Variants in SENP8 observed in about 807,000 individuals in gnomAD.
The protein encoded by SENP8 is SUMO peptidase family member, NEDD8 specific, also known as sentrin-specific protease 8.
Under a neutral mutation model 14.4 loss-of-function variants are expected in SENP8, and 10 were observed. That is an observed-to-expected ratio of 0.69 (90% CI 0.43 to 1.18). The LOEUF (loss-of-function observed/expected upper bound fraction) is 1.18, where lower values mean the gene tolerates loss of function less well. Ranked by LOEUF, SENP8 falls within the 50% of genes most tolerant of loss-of-function variation. The pLI is 0.00. For missense variants in SENP8, 202 were observed against 249.4 expected (o/e 0.81, Z 1.28); for synonymous variants, 94 against 95.5 (o/e 0.98, Z 0.09).
intron 1 of SENP8, among the ~76,000 whole-genome samples, chr15:72,132,418 A>G (rs1050887584): frequency 2.0e-5 from 3 of 152,174 alleles, no homozygotes; most frequent in African/African-American, 7.2e-5. Context: ...TTTTCCCGTA[A>G]TCTAAATTTT....
rs141330895 is a variant in SENP8 at position 72,125,090 on chromosome 15, A to G, written c.-48+6626A>G. On this transcript the variant is annotated intron_variant, in intron 1 of 1. Coordinates refer to ENST00000340912, the MANE Select transcript of SENP8 (RefSeq NM_145204.4). Reference sequence around the variant, plus strand: ...CAGTTTTTCTGTTACAAATACTGCCATGGTGAATATCTTGTTGAATTTTTG... The same window carrying G: ...CAGTTTTTCTGTTACAAATACTGCCGTGGTGAATATCTTGTTGAATTTTTG... 1.7e-3 allele frequency among the ~76,000 whole-genome samples: 257 copies of G among 152,304 alleles called. 3 individuals carry two copies. The highest frequency in any genetic ancestry group is 5.6e-3 in the African/African-American group (233 of 41,584).
intron 1 of SENP8, chr15:72,139,246 G>A (rs1014748973): frequency 1.7e-5 from 3 of 171,880 alleles, no homozygotes; most frequent in Non-Finnish European, 2.5e-5. Flanking sequence ...GCATTCTTAC[G>A]AAAAAGTAAG....
chr15:72,114,375 A>G (rs1010843882), upstream of SENP8: 2 of 152,278 alleles, frequency 1.3e-5, no homozygotes, highest in African/African-American at 4.8e-5. Context: ...TTTCAGTTAA[A>G]ATAAGATAGA....
Position 72,140,385 on chromosome 15 carries a change from C to T in SENP8, c.*123C>T. ...TAGAGGAAAGCTTAATACTCTTTTT[C>T]CTGAAAGAATATCATCCTCTGCATT... On this transcript the variant is annotated 3_prime_UTR_variant, in exon 2 of 2. Coordinates refer to ENST00000340912, the MANE Select transcript of SENP8 (RefSeq NM_145204.4). 1 of 693,434 alleles carries T rather than the reference C, an allele frequency of 1.4e-6. No individual in the cohort carries two copies. Among genetic ancestry groups the T allele is most frequent in the Non-Finnish European group, 2.5e-6 (1 of 403,898 alleles). 43.0% of individuals were successfully genotyped at this position (693,434 alleles called of 1,614,324 possible). A position where few individuals can be genotyped will look rare whatever the true frequency, so the allele number is the denominator to read the frequency against.
In SENP8 at chr15:72,142,604, C is replaced by T. The variant is rs1164627965; in HGVS notation, c.*2342C>T. The T allele has an allele frequency of 2.0e-5, 3 of 152,102 alleles. No homozygotes were observed. The highest frequency in any genetic ancestry group is 4.8e-5 in the African/African-American group (2 of 41,412). 9.4% of individuals were successfully genotyped at this position (152,102 alleles called of 1,614,324 possible). On this transcript the variant is annotated 3_prime_UTR_variant, in exon 2 of 2. Transcript: ENST00000340912. The stretch of plus-strand genomic sequence containing the variant: ...TAAGTATAGTCACACTTGTCCAACC[C>T]GTGTCTCAATATGGAATTCAGAAAA...
intron 1 of SENP8, among the ~76,000 whole-genome samples, chr15:72,124,360 A>G (rs895744015): frequency 6.6e-6 from 1 of 152,186 alleles, no homozygotes; most frequent in Non-Finnish European, 1.5e-5. Flanking sequence ...CTTACATGCC[A>G]CATTATACAG....
Position 72,142,338 on chromosome 15 carries a change from C to G in SENP8, c.*2076C>G, listed in dbSNP as rs1297456398. 1 of 152,188 alleles carries G rather than the reference C, an allele frequency of 6.6e-6. No individual in the cohort carries two copies. Among genetic ancestry groups the G allele is most frequent in the Admixed American group, 6.5e-5 (1 of 15,274 alleles). The allele number at this position is 152,188 out of a possible 1,614,324, so 9.4% of individuals were successfully genotyped here. On this transcript the variant is annotated 3_prime_UTR_variant, in exon 2 of 2. Coordinates refer to ENST00000340912, the MANE Select transcript of SENP8 (RefSeq NM_145204.4). ...AATTTAAGAATTGACTTGTATTTCACTGGATACTATAGTACCCGGTAAGTT... is the reference window on the plus strand; with the variant it reads ...AATTTAAGAATTGACTTGTATTTCAGTGGATACTATAGTACCCGGTAAGTT...
At chr15:72,138,542 G>T (rs2081348559) in intron 1 of SENP8, among the ~76,000 whole-genome samples, 1 of 151,224 alleles carries the variant, frequency 6.6e-6, no homozygotes, top group Non-Finnish European at 1.5e-5. Context: ...TAGAGATGGG[G>T]TTTCACCATG....
chr15:72,140,483 C>T lies in SENP8; in HGVS notation c.*221C>T. 1 of 538,872 alleles carries T rather than the reference C, an allele frequency of 1.9e-6. No homozygotes were observed. Among genetic ancestry groups the T allele is most frequent in the Non-Finnish European group, 3.4e-6 (1 of 296,602 alleles). The allele number at this position is 538,872 out of a possible 1,614,324, so 33.4% of individuals were successfully genotyped here. ...TCTGTGAAAATATCTTGAAATTGTA[C>T]ACCAAAACCTTACAACCAACTTATT... On this transcript the variant is annotated 3_prime_UTR_variant, in exon 2 of 2. Transcript: ENST00000340912.
At chr15:72,117,712 C>A (rs1364703132), upstream of SENP8, 1 of 397,344 alleles carries the variant, frequency 2.5e-6, no homozygotes, top group Admixed American at 4.4e-5. Context: ...ACCGCAGCCC[C>A]CTCCTCTTCG....
chr15:72,122,842 A>T (rs1440679657), intron 1 of SENP8, among the ~76,000 whole-genome samples: 1 of 152,218 alleles, frequency 6.6e-6, no homozygotes, highest in Non-Finnish European at 1.5e-5. Context: ...CTGGCTCCCA[A>T]TTAAATGGCT....
intron 1 of SENP8, among the ~76,000 whole-genome samples, chr15:72,118,859 C>T (rs1457731942): frequency 6.6e-6 from 1 of 152,088 alleles, no homozygotes; most frequent in African/African-American, 2.4e-5. Context: ...AGAGGGGTCC[C>T]AGGTTGTGTA....
At chr15:72,116,242 T>C (rs578091700), upstream of SENP8, among the ~76,000 whole-genome samples, 2 of 152,302 alleles carry the variant, frequency 1.3e-5, no homozygotes, top group African/African-American at 4.8e-5. Flanking sequence ...CGTCTAGTTA[T>C]TATCTATAAT....
At chr15:72,130,052 T>C (rs548121539) in intron 1 of SENP8, among the ~76,000 whole-genome samples, 7 of 152,062 alleles carry the variant, frequency 4.6e-5, no homozygotes, top group African/African-American at 1.4e-4. Flanking sequence ...TAGCCAAGCA[T>C]TGTGGTAGGC....
chr15:72,121,630 G>A (rs1475538063), intron 1 of SENP8, among the ~76,000 whole-genome samples: 3 of 152,022 alleles, frequency 2.0e-5, no homozygotes, highest in Non-Finnish European at 4.4e-5. Context: ...CTACACGGGA[G>A]ACTGAAGCAG....
intron 1 of SENP8, among the ~76,000 whole-genome samples, chr15:72,136,931 C>T (rs976319191): frequency 3.3e-5 from 5 of 152,136 alleles, no homozygotes; most frequent in African/African-American, 4.8e-5. Flanking sequence ...TATTCTACAC[C>T]CATCAGACTT....
chr15:72,135,667 G>T (rs753602208), intron 1 of SENP8, among the ~76,000 whole-genome samples: 1 of 152,206 alleles, frequency 6.6e-6, no homozygotes, highest in Non-Finnish European at 1.5e-5. Context: ...TAAACTTGCT[G>T]TCATGCTGTA....
In SENP8 at chr15:72,129,833, C is replaced by T. The variant is rs545916242; in HGVS notation, c.-47-9744C>T. Reference sequence around the variant, plus strand: ...TTCCAGCCTGGGGGACAGAGTGAGACCCAGTCTAAAAAAAAAGAAAAAAAA... The same window carrying T: ...TTCCAGCCTGGGGGACAGAGTGAGATCCAGTCTAAAAAAAAAGAAAAAAAA... On this transcript the variant is annotated intron_variant, in intron 1 of 1. Coordinates refer to ENST00000340912, the MANE Select transcript of SENP8 (RefSeq NM_145204.4). Among the ~76,000 whole-genome samples the T allele has an allele frequency of 1.3e-3, 190 of 151,028 alleles. 1 individual carries two copies. Among genetic ancestry groups the T allele is most frequent in the African/African-American group, 4.3e-3 (179 of 41,178 alleles).
chr15:72,139,313 G>A, intron 1 of SENP8: 1 of 278,042 alleles, frequency 3.6e-6, no homozygotes, highest in Non-Finnish European at 6.7e-6. Flanking sequence ...TTCATTAAGT[G>A]GAAATGGATC....
Sources: allele counts gnomAD v4.1 joint callset (sites outside exome capture counted in the v4.1 genomes callset), GRCh38; gene constraint gnomAD v4.1.1; transcripts MANE v1.5; gene names NCBI Gene and HGNC (gene_info 2026-07-23, HGNC 2026-07-21).